The following COL24A1 variants were observed in gnomAD, a reference collection of about 807,000 sequenced individuals.
The protein encoded by COL24A1 is collagen alpha-1(XXIV) chain.
A neutral mutation model predicts 253.9 loss-of-function variants in COL24A1; 224 were observed. That is an observed-to-expected ratio of 0.88 (90% CI 0.79 to 0.99). COL24A1 has a LOEUF of 0.99. Among genes scored for constraint, COL24A1 ranks in the 50% least tolerant of loss-of-function variants. COL24A1 has a pLI of 0.00. For synonymous variants in COL24A1, 685 were observed against 673.7 expected (o/e 1.02, Z -0.26); for missense variants, 2,131 against 2,068.5 (o/e 1.03, Z -0.59).
At chr1:86,016,921 C>G (rs1259433689) in intron 19 of COL24A1, among the ~76,000 whole-genome samples, 1 of 152,166 alleles carries the variant, frequency 6.6e-6, no homozygotes, top group African/African-American at 2.4e-5. Flanking sequence ...AATAAATCAG[C>G]TGTGATCCTA....
chr1:85,952,369 C>T (rs1243900818), intron 24 of COL24A1, among the ~76,000 whole-genome samples: 1 of 152,166 alleles, frequency 6.6e-6, no homozygotes. Context: ...TTTAGACATA[C>T]ATGTGGTGTA....
intron 37 of COL24A1, among the ~76,000 whole-genome samples, chr1:85,859,341 A>G (rs1678873857): frequency 1.3e-5 from 2 of 152,202 alleles, no homozygotes; most frequent in Admixed American, 6.6e-5. Flanking sequence ...TAAATGTTGA[A>G]AGTAAAACCA....
chr1:85,826,246 A>G (rs374791648), intron 43 of COL24A1, among the ~76,000 whole-genome samples: 2 of 144,084 alleles, frequency 1.4e-5, no homozygotes, highest in African/African-American at 2.5e-5. Context: ...GATATGCGGC[A>G]TTATTTCTGA....
At chr1:85,794,410 A>T (rs1393748401) in intron 47 of COL24A1, among the ~76,000 whole-genome samples, 1 of 152,212 alleles carries the variant, frequency 6.6e-6, no homozygotes, top group Non-Finnish European at 1.5e-5. Context: ...GAGAATAATA[A>T]GGAGCACAAA....
intron 5 of COL24A1, among the ~76,000 whole-genome samples, chr1:86,102,320 T>C (rs573217143): frequency 2.0e-5 from 3 of 152,224 alleles, no homozygotes; most frequent in African/African-American, 7.2e-5. Context: ...ATTTTACTAA[T>C]TTTTTCAAAA....
At chr1:85,923,150 G>C (rs1296827773) in intron 24 of COL24A1, among the ~76,000 whole-genome samples, 2 of 152,112 alleles carry the variant, frequency 1.3e-5, no homozygotes, top group African/African-American at 2.4e-5. Context: ...ACCAATACAA[G>C]AGCACCCAGA....
At chr1:86,092,373 G>T in intron 5 of COL24A1, 53 bp from the exon 6 acceptor site, 1 of 1,281,774 alleles carries the variant, frequency 7.8e-7, no homozygotes, top group Non-Finnish European at 1.1e-6. Flanking sequence ...CATATAATGT[G>T]TCATATATCT....
intron 3 of COL24A1, among the ~76,000 whole-genome samples, chr1:86,121,591 G>C (rs1282821478): frequency 1.3e-5 from 2 of 151,986 alleles, no homozygotes; most frequent in Non-Finnish European, 2.9e-5. Context: ...AGCCATGTCA[G>C]AGCAATAAAA....
chr1:85,877,074 AC>A, intron 33 of COL24A1, 47 bp downstream of exon 33: 1 of 1,362,472 alleles, frequency 7.3e-7, no homozygotes. Context: ...TTAGAGTCTT[AC>A]AAAAAGTAGA....
intron 12 of COL24A1, among the ~76,000 whole-genome samples, chr1:86,043,121 A>C (rs563347336): frequency 1.3e-5 from 2 of 152,308 alleles, no homozygotes; most frequent in South Asian, 4.1e-4. Context: ...AGAATCTTAA[A>C]AAATCTAAGT....
At chr1:86,097,165 C>A (rs1703953722) in intron 5 of COL24A1, among the ~76,000 whole-genome samples, 1 of 152,126 alleles carries the variant, frequency 6.6e-6, no homozygotes, top group African/African-American at 2.4e-5. Flanking sequence ...TTTCCTTGAG[C>A]CTACATGTCT....
At chr1:85,792,628 A>C (rs1670409361) in intron 47 of COL24A1, among the ~76,000 whole-genome samples, 1 of 151,900 alleles carries the variant, frequency 6.6e-6, no homozygotes, top group African/African-American at 2.4e-5. Flanking sequence ...GAATCGCTTG[A>C]GCCCAAGAGT....
At chr1:85,875,474 A>C in intron 33 of COL24A1, 144 bp from the exon 34 acceptor site, 1 of 599,470 alleles carries the variant, frequency 1.7e-6, no homozygotes, top group South Asian at 2.2e-5. Flanking sequence ...ATAAGAGCAG[A>C]TTCTTTCTGA....
intron 43 of COL24A1, among the ~76,000 whole-genome samples, chr1:85,836,322 C>T (rs924614081): frequency 3.9e-5 from 6 of 152,172 alleles, no homozygotes; most frequent in Non-Finnish European, 7.4e-5. Context: ...CTCCCTTGCC[C>T]ACTAACAATG....
At chr1:85,811,593 T>A (rs1672546612) in intron 47 of COL24A1, among the ~76,000 whole-genome samples, 1 of 152,232 alleles carries the variant, frequency 6.6e-6, no homozygotes, top group Admixed American at 6.5e-5. Context: ...ACCATCTTGC[T>A]AACACTTGTT....
chr1:85,874,249 T>C (rs1048824656), intron 35 of COL24A1, among the ~76,000 whole-genome samples: 9 of 152,208 alleles, frequency 5.9e-5, no homozygotes, highest in Non-Finnish European at 7.3e-5. Context: ...TGCATGATCA[T>C]AGGTTTGGTT....
intron 12 of COL24A1, chr1:86,045,867 A>G (rs1461041446): frequency 6.8e-6 from 3 of 443,758 alleles, no homozygotes; most frequent in African/African-American, 6.0e-5. Context: ...GAAACAATTC[A>G]TGCCTCTTCT....
At chr1:86,123,059 T>C (rs1161208247) in intron 3 of COL24A1, among the ~76,000 whole-genome samples, 2 of 151,978 alleles carry the variant, frequency 1.3e-5, no homozygotes, top group Non-Finnish European at 2.9e-5. Context: ...AAATTAACTC[T>C]TTGGGCTTCA....
In COL24A1 at chr1:85,847,739, C is replaced by T; in HGVS notation, c.3388G>A (p.Val1130Ile). The T allele has an allele frequency of 2.5e-6, 4 of 1,613,924 alleles. No homozygotes were observed. Among genetic ancestry groups the T allele is most frequent in the Non-Finnish European group, 3.4e-6 (4 of 1,179,880 alleles). Reference protein sequence around the residue: ...DKGQIGPTGEVGSRGPPGKIG... With the variant: ...DKGQIGPTGEIGSRGPPGKIG... ...TTTCCAGGAGGACCTCTGCTTCCAA[C>T]TTCTCCTGTGGGTCCTATTTGTCCT... The change falls in exon 39 of 60, where the codon GTT becomes ATT. Residue 1130 changes from valine (V) to isoleucine (I), a missense_variant. Val to Ile is a conservative substitution (Grantham distance 29). Coordinates refer to ENST00000370571, the MANE Select transcript of COL24A1 (RefSeq NM_152890.7).
Sources: allele counts gnomAD v4.1 joint callset (sites outside exome capture counted in the v4.1 genomes callset), GRCh38; gene constraint gnomAD v4.1.1; transcripts MANE v1.5; gene names NCBI Gene and HGNC (gene_info 2026-07-23, HGNC 2026-07-21).